Variants in ADGRL2 observed in about 807,000 individuals in gnomAD.
ADGRL2 encodes the protein adhesion G protein-coupled receptor L2.
In ADGRL2, 44 loss-of-function variants were observed where a neutral mutation model predicts 157.4. The ratio of observed to expected loss-of-function variants is 0.28; its 90% CI spans 0.22 to 0.36. The LOEUF is 0.36. Ranked by LOEUF, ADGRL2 falls within the 10% of genes least tolerant of loss-of-function variation. The probability of loss-of-function intolerance (pLI) is 1.00; values close to 1 mark genes in which losing one functional copy is unlikely to be tolerated. For synonymous variants in ADGRL2, 585 were observed against 624.7 expected, an observed-to-expected ratio of 0.94 and a Z score of 0.95; for missense variants, 1,510 against 1,768.9, an observed-to-expected ratio of 0.85 and a Z score of 2.63.
intron 2 of ADGRL2, chr1:81,502,220 C>G: frequency 6.2e-7 from 1 of 1,605,484 alleles, no homozygotes; most frequent in Non-Finnish European, 8.5e-7. Context: ...ACCAGGGCTC[C>G]CACCACATGG....
chr1:81,583,228 A>T (rs890809210), intron 3 of ADGRL2, among the ~76,000 whole-genome samples: 1 of 152,210 alleles, frequency 6.6e-6, no homozygotes, highest in Non-Finnish European at 1.5e-5. Context: ...ATAAATTGGA[A>T]TATTAACTTG....
At chr1:81,672,935 G>A (rs1158852366) in intron 3 of ADGRL2, among the ~76,000 whole-genome samples, 2 of 152,126 alleles carry the variant, frequency 1.3e-5, no homozygotes, top group East Asian at 3.8e-4. Context: ...TTTATTGCTG[G>A]CACCACATTG....
upstream of ADGRL2, among the ~76,000 whole-genome samples, chr1:81,695,769 C>G (rs913677812): frequency 6.6e-6 from 1 of 150,444 alleles, no homozygotes; most frequent in Non-Finnish European, 1.5e-5. Flanking sequence ...TGCAGTGAGC[C>G]GAGAGATTAT....
At chr1:81,694,811 C>T (rs1329641238), upstream of ADGRL2, among the ~76,000 whole-genome samples, 5 of 152,116 alleles carry the variant, frequency 3.3e-5, no homozygotes, top group Non-Finnish European at 7.4e-5. Context: ...CAGTGAGAAC[C>T]ATTCTCAGCA....
intron 2 of ADGRL2, among the ~76,000 whole-genome samples, chr1:81,571,466 G>T (rs1333086494): frequency 6.8e-6 from 1 of 147,652 alleles, no homozygotes; most frequent in African/African-American, 2.5e-5. Flanking sequence ...TATATATATG[G>T]TAGGCCAGAT....
intron 21 of ADGRL2, 174 bp downstream of exon 21, chr1:81,985,529 T>C: frequency 2.4e-6 from 1 of 410,780 alleles, no homozygotes; most frequent in Non-Finnish European, 4.4e-6. Context: ...TCCTAGGGAG[T>C]ACAGATTTAT....
intron 1 of ADGRL2, among the ~76,000 whole-genome samples, chr1:81,743,080 G>C (rs1172458513): frequency 6.6e-6 from 1 of 151,946 alleles, no homozygotes; most frequent in African/African-American, 2.4e-5. Flanking sequence ...GAAGCTAAGA[G>C]ACAAAACTGA....
chr1:81,394,303 C>T (rs1193916317), intron 1 of ADGRL2, among the ~76,000 whole-genome samples: 1 of 152,030 alleles, frequency 6.6e-6, no homozygotes, highest in African/African-American at 2.4e-5. Flanking sequence ...AACACTAGAA[C>T]TCATTCTTCC....
intron 2 of ADGRL2, among the ~76,000 whole-genome samples, chr1:81,525,951 G>A (rs1439370547): frequency 6.6e-6 from 1 of 152,196 alleles, no homozygotes; most frequent in Non-Finnish European, 1.5e-5. Flanking sequence ...AGCATAATGT[G>A]AGTTGAACGC....
At chr1:81,599,731 T>G (rs2148626951) in intron 3 of ADGRL2, among the ~76,000 whole-genome samples, 1 of 152,342 alleles carries the variant, frequency 6.6e-6, no homozygotes, top group African/African-American at 2.4e-5. Flanking sequence ...AGCTAAGTAT[T>G]GCTCTCTCCA....
At chr1:81,832,170 C>G (rs1379991939) in intron 1 of ADGRL2, among the ~76,000 whole-genome samples, 1 of 152,134 alleles carries the variant, frequency 6.6e-6, no homozygotes, top group African/African-American at 2.4e-5. Context: ...GATATGGAGT[C>G]TCACTGTGTC....
At chr1:81,651,065 C>T (rs1178577393) in intron 3 of ADGRL2, among the ~76,000 whole-genome samples, 3 of 152,074 alleles carry the variant, frequency 2.0e-5, no homozygotes, top group Admixed American at 2.0e-4. Flanking sequence ...CAGAAAAATC[C>T]AAGCTGTGTG....
At chr1:81,668,590 G>A (rs1468053916) in intron 3 of ADGRL2, among the ~76,000 whole-genome samples, 1 of 152,086 alleles carries the variant, frequency 6.6e-6, no homozygotes, top group African/African-American at 2.4e-5. Context: ...TTGAGACGGA[G>A]TCTCACTCTG....
At chr1:81,685,568 T>G (rs1350497503) in intron 3 of ADGRL2, among the ~76,000 whole-genome samples, 1 of 152,188 alleles carries the variant, frequency 6.6e-6, no homozygotes, top group Non-Finnish European at 1.5e-5. Context: ...TGAAGGACCA[T>G]ATTTTCAGCA....
intron 1 of ADGRL2, among the ~76,000 whole-genome samples, chr1:81,402,170 A>G (rs2076768577): frequency 6.6e-6 from 1 of 152,138 alleles, no homozygotes; most frequent in African/African-American, 2.4e-5. Context: ...GAAGATCACT[A>G]TCTCCCTATA....
At chr1:81,733,706 C>A (rs1345172689) in intron 1 of ADGRL2, among the ~76,000 whole-genome samples, 2 of 152,102 alleles carry the variant, frequency 1.3e-5, no homozygotes, top group Non-Finnish European at 2.9e-5. Context: ...GAAGAGCATC[C>A]TTCTACCCCC....
At chr1:81,813,665 A>G (rs767526475) in intron 1 of ADGRL2, among the ~76,000 whole-genome samples, 5 of 151,780 alleles carry the variant, frequency 3.3e-5, no homozygotes, top group African/African-American at 4.8e-5. Flanking sequence ...CTTCTTTTCC[A>G]TACAATTATT....
intron 3 of ADGRL2, among the ~76,000 whole-genome samples, chr1:81,926,569 A>C (rs141069554): frequency 6.6e-6 from 1 of 152,164 alleles, no homozygotes; most frequent in East Asian, 1.9e-4. Flanking sequence ...TTTTATAAAT[A>C]ATTGCTCTTA....
chr1:81,534,249 C>G (rs1351133291), intron 2 of ADGRL2, among the ~76,000 whole-genome samples: 2 of 152,290 alleles, frequency 1.3e-5, no homozygotes, highest in East Asian at 3.9e-4. Flanking sequence ...GCAACCTCCG[C>G]CTCCCAGGTT....
Sources: allele counts gnomAD v4.1 joint callset (sites outside exome capture counted in the v4.1 genomes callset), GRCh38; gene constraint gnomAD v4.1.1; transcripts MANE v1.5; gene names NCBI Gene and HGNC (gene_info 2026-07-23, HGNC 2026-07-21).